The following LPP variants were observed in gnomAD, a reference collection of about 807,000 sequenced individuals.
The protein encoded by LPP is LIM domain containing preferred translocation partner in lipoma, also known as lipoma-preferred partner.
LPP carries 38 observed loss-of-function variants against 60.4 expected under a neutral mutation model. The observed-to-expected ratio is 0.63, with a 90% CI of 0.49 to 0.83. The LOEUF (loss-of-function observed/expected upper bound fraction) is 0.83, where lower values mean the gene tolerates loss of function less well. Ranked by LOEUF, LPP falls within the 40% of genes least tolerant of loss-of-function variation. The probability of loss-of-function intolerance (pLI) is 0.00; values close to 1 mark genes in which losing one functional copy is unlikely to be tolerated. For missense variants in LPP, 902 were observed against 783.6 expected (o/e 1.15, Z -1.80); for synonymous variants, 328 against 290.8 (o/e 1.13, Z -1.30).
At chr3:188,846,683 C>CAAAA (rs34230552) in intron 9 of LPP, among the ~76,000 whole-genome samples, 11 of 84,586 alleles carry the variant, frequency 1.3e-4, no homozygotes, top group Middle Eastern at 6.4e-3. Context: ...GATTCCATCT[C>CAAAA]AAAAAAAAAA....
intron 7 of LPP, among the ~76,000 whole-genome samples, chr3:188,700,140 C>T (rs1864097009): frequency 6.6e-6 from 1 of 152,058 alleles, no homozygotes; most frequent in Admixed American, 6.5e-5. Flanking sequence ...AAATGAGCAG[C>T]TCTGGTACCC....
chr3:188,768,472 C>A (rs78750460), intron 9 of LPP, among the ~76,000 whole-genome samples: 4,270 of 152,206 alleles, frequency 0.028, 185 homozygotes, highest in African/African-American at 0.092. Flanking sequence ...AATTAGGAAT[C>A]TTTTAGCATA....
chr3:188,835,082 G>T (rs1009296487), intron 9 of LPP, among the ~76,000 whole-genome samples: 14 of 151,974 alleles, frequency 9.2e-5, no homozygotes, highest in Non-Finnish European at 1.5e-4. Context: ...TCAATTATTT[G>T]CATCCTTCAA....
chr3:188,834,802 G>A (rs73199029), intron 9 of LPP, among the ~76,000 whole-genome samples: 10,737 of 152,204 alleles, frequency 0.071, 513 homozygotes, highest in Non-Finnish European at 0.1. Flanking sequence ...GGGACACCAC[G>A]TATGATGATT....
intron 7 of LPP, among the ~76,000 whole-genome samples, chr3:188,670,066 A>G (rs1048877828): frequency 6.6e-6 from 1 of 152,170 alleles, no homozygotes; most frequent in Non-Finnish European, 1.5e-5. Context: ...GAACACTTGG[A>G]CACAGGGTGA....
At position 188,352,712 on chromosome 3, in the gene LPP, C is replaced by T. The variant is rs1027827041; in HGVS notation, c.-10+10993C>T. Among the ~76,000 whole-genome samples, 8 of 147,096 alleles carry T rather than the reference C, an allele frequency of 5.4e-5. No homozygotes were observed. The highest frequency in any genetic ancestry group is 2.0e-4 in the African/African-American group (8 of 39,494). On this transcript the variant is annotated intron_variant, in intron 3 of 11. Coordinates refer to ENST00000617246, the MANE Select transcript of LPP (RefSeq NM_001375462.1). The surrounding 1 kb of genome is among the most constrained non-coding windows in gnomAD (Gnocchi z 4.4). Reference sequence around the variant, plus strand: ...CTTGTTGATGTTCCAGCTGCATGCACGGCACTGAGCCCTGCCTGAGTGCGC... The same window carrying T: ...CTTGTTGATGTTCCAGCTGCATGCATGGCACTGAGCCCTGCCTGAGTGCGC...
At chr3:188,852,759 TG>T (rs912427441) in intron 9 of LPP, among the ~76,000 whole-genome samples, 16 of 152,214 alleles carry the variant, frequency 1.1e-4, no homozygotes, top group Non-Finnish European at 4.4e-5. Flanking sequence ...TCAGTGGTAT[TG>T]TATTATAGCA....
chr3:188,351,796 G>GTAGA (rs1765926936), intron 3 of LPP, among the ~76,000 whole-genome samples: 1 of 152,114 alleles, frequency 6.6e-6, no homozygotes, highest in Non-Finnish European at 1.5e-5. Context: ...TAAGGGATAT[G>GTAGA]GATTGTAGAG....
At chr3:188,338,116 T>C (rs1175254897) in intron 2 of LPP, among the ~76,000 whole-genome samples, 15 of 152,242 alleles carry the variant, frequency 9.9e-5, no homozygotes, top group Admixed American at 8.5e-4. Context: ...ATCAACCAGA[T>C]GTCAGAAGAT....
At chr3:188,471,707 A>G (rs2149527865) in intron 4 of LPP, among the ~76,000 whole-genome samples, 1 of 152,350 alleles carries the variant, frequency 6.6e-6, no homozygotes, top group African/African-American at 2.4e-5. Flanking sequence ...GGTGAAATCA[A>G]TGAGTACCAC....
intron 9 of LPP, among the ~76,000 whole-genome samples, chr3:188,813,696 C>T (rs965025819): frequency 5.9e-5 from 9 of 152,134 alleles, no homozygotes; most frequent in Non-Finnish European, 1.0e-4. Context: ...AGATTATTAC[C>T]GTTGCTGAGT....
chr3:188,689,390 ATCT>A (rs1328533788), intron 7 of LPP, among the ~76,000 whole-genome samples: 3 of 152,192 alleles, frequency 2.0e-5, no homozygotes, highest in Non-Finnish European at 4.4e-5. Flanking sequence ...AGGGCAACAA[ATCT>A]TCTTGGCAGG....
intron 7 of LPP, among the ~76,000 whole-genome samples, chr3:188,654,758 G>A (rs535489871): frequency 2.0e-5 from 3 of 152,238 alleles, no homozygotes; most frequent in East Asian, 1.9e-4. Flanking sequence ...AGTAATGATC[G>A]CAGATTCTAC....
chr3:188,448,991 A>G (rs1194742963), intron 4 of LPP, among the ~76,000 whole-genome samples: 2 of 152,224 alleles, frequency 1.3e-5, no homozygotes, highest in East Asian at 3.8e-4. Context: ...TTTCGTAGTC[A>G]GAGATTATAC....
chr3:188,734,265 G>A (rs952379355), intron 8 of LPP, among the ~76,000 whole-genome samples: 2 of 151,966 alleles, frequency 1.3e-5, no homozygotes, highest in African/African-American at 4.8e-5. Flanking sequence ...TTCCACATAA[G>A]AATTATTCAG....
chr3:188,248,675 T>A (rs1727994540), intron 2 of LPP, among the ~76,000 whole-genome samples: 1 of 151,670 alleles, frequency 6.6e-6, no homozygotes, highest in South Asian at 2.1e-4. Context: ...GAAGGAGACT[T>A]CAAGGCCTGA....
At chr3:188,635,519 A>G (rs994805666) in intron 7 of LPP, among the ~76,000 whole-genome samples, 2 of 152,194 alleles carry the variant, frequency 1.3e-5, no homozygotes, top group African/African-American at 4.8e-5. Context: ...GTGAGAAATG[A>G]ACGTGTGTGT....
intron 9 of LPP, among the ~76,000 whole-genome samples, chr3:188,848,310 C>T (rs1271650173): frequency 6.6e-6 from 1 of 152,152 alleles, no homozygotes; most frequent in African/African-American, 2.4e-5. Flanking sequence ...GCTGCAGCTC[C>T]AATGAGAGGC....
intron 1 of LPP, among the ~76,000 whole-genome samples, chr3:188,199,993 C>T (rs563428486): frequency 6.8e-4 from 103 of 152,228 alleles, no homozygotes; most frequent in Admixed American, 1.2e-3. Context: ...TGAGCCACCG[C>T]GCCTGGCCCT....
Sources: allele counts gnomAD v4.1 joint callset (sites outside exome capture counted in the v4.1 genomes callset), GRCh38; gene constraint gnomAD v4.1.1; non-coding constraint Gnocchi (gnomAD v3.1); transcripts MANE v1.5; gene names NCBI Gene and HGNC (gene_info 2026-07-23, HGNC 2026-07-21).